SLC6A20: variants seen among roughly 807,000 people sequenced by gnomAD.
SLC6A20 encodes the protein sodium- and chloride-dependent transporter XTRP3.
SLC6A20 carries 73 observed loss-of-function variants against 64.3 expected under a neutral mutation model. The ratio of observed to expected loss-of-function variants is 1.14; its 90% CI spans 0.94 to 1.38. The LOEUF (loss-of-function observed/expected upper bound fraction) is 1.38, where lower values mean the gene tolerates loss of function less well. SLC6A20 is among the 40% of genes most tolerant of loss of function. The pLI, the probability that SLC6A20 is intolerant of heterozygous loss-of-function variation, is 0.00. For synonymous variants in SLC6A20, 347 were observed against 329.6 expected (o/e 1.05, Z -0.57); for missense variants, 725 against 772.8 (o/e 0.94, Z 0.73).
At chr3:45,772,788 G>C (rs1699899105) in intron 4 of SLC6A20, among the ~76,000 whole-genome samples, 173 bp from the exon 5 acceptor site, 1 of 152,154 alleles carries the variant, frequency 6.6e-6, no homozygotes. Flanking sequence ...TAGGGCTGGG[G>C]AAGTGGGCTG....
intron 9 of SLC6A20, among the ~76,000 whole-genome samples, chr3:45,761,944 C>G (rs1699689589): frequency 6.6e-6 from 1 of 152,118 alleles, no homozygotes; most frequent in Non-Finnish European, 1.5e-5. Flanking sequence ...GGGATGCCTG[C>G]CTCCCAGAGT....
chr3:45,794,540 A>G (rs1700315710), intron 1 of SLC6A20, among the ~76,000 whole-genome samples: 1 of 152,150 alleles, frequency 6.6e-6, no homozygotes, highest in South Asian at 2.1e-4. Context: ...GCACAGGATT[A>G]CTTCTTGTTT....
At chr3:45,762,398 T>C (rs1699699734) in intron 9 of SLC6A20, among the ~76,000 whole-genome samples, 1 of 152,222 alleles carries the variant, frequency 6.6e-6, no homozygotes, top group Non-Finnish European at 1.5e-5. Context: ...AGTTTGAAGG[T>C]TGCTCTAGAC....
At chr3:45,783,224 G>GC (rs1255504763) in intron 1 of SLC6A20, among the ~76,000 whole-genome samples, 3 of 152,186 alleles carry the variant, frequency 2.0e-5, no homozygotes, top group Admixed American at 2.0e-4. Context: ...GTCAGGGTGA[G>GC]CCTAACAAAA....
intron 5 of SLC6A20, chr3:45,772,243 T>G: frequency 2.5e-6 from 1 of 403,746 alleles, no homozygotes; most frequent in Non-Finnish European, 4.4e-6. Context: ...GGTGCAGCAG[T>G]TGGGGGACAG....
At position 45,782,194 on chromosome 3, in the gene SLC6A20, G is replaced by A; in HGVS notation, c.151C>T (p.Leu51Phe). 1 of 1,613,762 alleles carries A rather than the reference G, an allele frequency of 6.2e-7. No homozygotes were observed. The highest frequency in any genetic ancestry group is 8.5e-7 in the Non-Finnish European group (1 of 1,179,810). Residue 51 changes from leucine to phenylalanine, a missense_variant, in exon 2 of 11, where the codon CTT (leucine) becomes TTT (phenylalanine). Coordinates refer to ENST00000358525, the MANE Select transcript of SLC6A20 (RefSeq NM_020208.4). ...AAGAGCGGCATTCCCTCCACGATAA[G>A]CATGATGATGTAGGGGACCAGGAAA... ...GSFLVPYIIM[L>F]IVEGMPLLYL...
At chr3:45,792,155 G>T (rs1008485024) in intron 1 of SLC6A20, among the ~76,000 whole-genome samples, 1 of 152,158 alleles carries the variant, frequency 6.6e-6, no homozygotes, top group Non-Finnish European at 1.5e-5. Context: ...CAATGTCAAG[G>T]TGAGCCATGG....
At chr3:45,790,136 C>A (rs917103210) in intron 1 of SLC6A20, among the ~76,000 whole-genome samples, 1 of 152,110 alleles carries the variant, frequency 6.6e-6, no homozygotes, top group Non-Finnish European at 1.5e-5. Context: ...CGAGTCAGTG[C>A]CTTTCATGGG....
rs751575336 is a variant in SLC6A20 at position 45,796,403 on chromosome 3, G to A, written c.17C>T (p.Pro6Leu). Residue 6 changes from proline (P) to leucine (L), a missense_variant, in exon 1 of 11, where the codon CCG (proline) becomes CTG (leucine). Pro to Leu is a moderately conservative substitution (Grantham distance 98). Coordinates refer to ENST00000358525, the MANE Select transcript of SLC6A20 (RefSeq NM_020208.4). MEKAR[P>L]LWANSLQFVF... The stretch of plus-strand genomic sequence containing the variant: ...GAACTGTAGCGAGTTGGCCCACAGC[G>A]GCCGCGCTTTCTCCATGGCCCCGGC... The A allele has an allele frequency of 7.4e-6, 12 of 1,612,012 alleles. No homozygotes were observed. Among genetic ancestry groups the A allele is most frequent in the African/African-American group, 2.7e-5 (2 of 74,590 alleles).
chr3:45,767,681 A>G (rs1699798765), intron 7 of SLC6A20, among the ~76,000 whole-genome samples: 1 of 152,236 alleles, frequency 6.6e-6, no homozygotes, highest in South Asian at 2.1e-4. Context: ...TTGGACCCTT[A>G]GATCCAGGAA....
chr3:45,781,710 T>C (rs1174398077), intron 2 of SLC6A20, among the ~76,000 whole-genome samples: 1 of 152,242 alleles, frequency 6.6e-6, no homozygotes, highest in Non-Finnish European at 1.5e-5. Flanking sequence ...AGGTGCTTGC[T>C]AAAAGAGAGC....
chr3:45,796,469 G>T lies in SLC6A20; in HGVS notation c.-50C>A. 1 of 1,570,330 alleles carries T rather than the reference G, an allele frequency of 6.4e-7. No individual in the cohort carries two copies. ...TCCGGCTCGGGGGTCCGGCACGGCA[G>T]TCTCAGTGCGCGGTCGCCAGGCGCG... On this transcript the variant is annotated 5_prime_UTR_variant, in exon 1 of 11. The change creates a new upstream start codon in the 5' untranslated region. Coordinates refer to ENST00000358525, the MANE Select transcript of SLC6A20 (RefSeq NM_020208.4).
chr3:45,784,797 G>A lies in SLC6A20; in HGVS notation c.122-2574C>T, dbSNP rs150923108. Among the ~76,000 whole-genome samples, 965 of 152,284 alleles carry A rather than the reference G, an allele frequency of 6.3e-3. 36 individuals are homozygous for A. The highest frequency in any genetic ancestry group is 0.056 in the Admixed American group (850 of 15,294). On this transcript the variant is annotated intron_variant, in intron 1 of 10. Coordinates refer to ENST00000358525, the MANE Select transcript of SLC6A20 (RefSeq NM_020208.4). ...TTATTGGCTCATGGTTCTGGAGGCTGGGAAGTCCAAGAGCATGGTGCTAGT... is the reference window on the plus strand; with the variant it reads ...TTATTGGCTCATGGTTCTGGAGGCTAGGAAGTCCAAGAGCATGGTGCTAGT...
intron 3 of SLC6A20, among the ~76,000 whole-genome samples, chr3:45,778,777 G>A (rs1392460802): frequency 6.6e-6 from 1 of 152,212 alleles, no homozygotes; most frequent in East Asian, 1.9e-4. Flanking sequence ...CCAGGCTATA[G>A]AGTAAGAAGA....
At chr3:45,791,026 G>A (rs1284866132) in intron 1 of SLC6A20, among the ~76,000 whole-genome samples, 1 of 152,136 alleles carries the variant, frequency 6.6e-6, no homozygotes, top group Non-Finnish European at 1.5e-5. Flanking sequence ...GCTATTAAAT[G>A]TTGCCATTGC....
At position 45,758,799 on chromosome 3, in the gene SLC6A20, C is replaced by T. The variant is rs1422784426; in HGVS notation, c.*179G>A. On this transcript the variant is annotated 3_prime_UTR_variant, in exon 11 of 11. Transcript: ENST00000358525. ...AGGTGACAGGGAGGAACAGCCACCA[C>T]GGGAGGGTGTGCGTTCTCCCAAGGG... 59 of 1,352,044 alleles carry T rather than the reference C, an allele frequency of 4.4e-5. No homozygotes were observed. Among genetic ancestry groups the T allele is most frequent in the Non-Finnish European group, 5.4e-5 (57 of 1,051,400 alleles). 83.8% of individuals were successfully genotyped at this position (1,352,044 alleles called of 1,614,324 possible).
Position 45,756,920 on chromosome 3 carries a change from T to C in SLC6A20, c.*2058A>G, listed in dbSNP as rs559054031. 1 of 152,212 alleles carries C rather than the reference T, an allele frequency of 6.6e-6. No individual in the cohort carries two copies. The highest frequency in any genetic ancestry group is 1.5e-5 in the Non-Finnish European group (1 of 68,016). The allele number at this position is 152,212 out of a possible 1,614,324, so 9.4% of individuals were successfully genotyped here. On this transcript the variant is annotated 3_prime_UTR_variant, in exon 11 of 11. Coordinates refer to ENST00000358525, the MANE Select transcript of SLC6A20 (RefSeq NM_020208.4). ...TCCCTCAGTATTTATTGATCATTAT[T>C]TTTACTGTCTTAGCGAGGGGAGTGT...
Position 45,772,495 on chromosome 3 carries a change from C to T in SLC6A20, c.693+10G>A. The T allele has an allele frequency of 6.2e-7, 1 of 1,606,636 alleles. No homozygotes were observed. The highest frequency in any genetic ancestry group is 8.5e-7 in the Non-Finnish European group (1 of 1,176,984). Reference sequence around the variant, plus strand: ...GGGTGCCCGTAGGGCCCTTCCGCTTCAGCCCGTACCTTGGGAGTGAACATG... The same window carrying T: ...GGGTGCCCGTAGGGCCCTTCCGCTTTAGCCCGTACCTTGGGAGTGAACATG... On this transcript the variant is annotated intron_variant, in intron 5 of 10. Transcript: ENST00000358525.
chr3:45,774,592 C>T (rs1456433062), intron 4 of SLC6A20, among the ~76,000 whole-genome samples: 1 of 152,096 alleles, frequency 6.6e-6, no homozygotes, highest in Non-Finnish European at 1.5e-5. Flanking sequence ...AATAAAATGC[C>T]CTACCAGGCA....
Sources: allele counts gnomAD v4.1 joint callset (sites outside exome capture counted in the v4.1 genomes callset), GRCh38; gene constraint gnomAD v4.1.1; transcripts MANE v1.5; gene names NCBI Gene and HGNC (gene_info 2026-07-23, HGNC 2026-07-21).